ZP3: variants seen among roughly 807,000 people sequenced by gnomAD.
ZP3 encodes the protein zona pellucida sperm-binding protein 3.
ZP3 carries 21 observed loss-of-function variants against 35.6 expected under a neutral mutation model. The ratio of observed to expected loss-of-function variants is 0.59; its 90% CI spans 0.42 to 0.85. The LOEUF (loss-of-function observed/expected upper bound fraction) is 0.85. Among genes scored for constraint, ZP3 ranks in the 40% least tolerant of loss-of-function variants. ZP3 has a pLI of 0.00. For synonymous variants in ZP3, 207 were observed against 214.5 expected (o/e 0.96, Z 0.31); for missense variants, 437 against 536.5 (o/e 0.81, Z 1.83).
Position 76,401,520 on chromosome 7 carries a change from G to A in ZP3, c.-67+3723G>A, listed in dbSNP as rs144327566. On this transcript the variant is annotated intron_variant, in intron 1 of 8. Transcript: ENST00000336517. ...CAGCCTCTTCCTCTGGGGTTCAAGC[G>A]ATTCTTCTGCCTCAGCCTCCCGAGT... Among the ~76,000 whole-genome samples, 1,247 of 152,174 alleles carry A rather than the reference G, an allele frequency of 8.2e-3. 19 individuals carry two copies. The highest frequency in any genetic ancestry group is 0.028 in the African/African-American group (1,168 of 41,520).
exon 1 of ZP3, chr7:76,397,594 GCGGGGCTCGCC>G: frequency 6.2e-7 from 1 of 1,608,114 alleles, no homozygotes; most frequent in Non-Finnish European, 8.5e-7. Flanking sequence ...AGGCTGCCAG[GCGGGGCTCGCC>G]GCCTTCGCAG....
chr7:76,422,796 G>A (rs977420234), upstream of ZP3, among the ~76,000 whole-genome samples: 15 of 150,076 alleles, frequency 1.0e-4, no homozygotes, highest in South Asian at 2.8e-3. Flanking sequence ...TCCAGAGTTC[G>A]AGACCAGCCT....
upstream of ZP3, among the ~76,000 whole-genome samples, chr7:76,422,289 G>T: frequency 6.6e-6 from 1 of 151,912 alleles, no homozygotes; most frequent in East Asian, 1.9e-4. Context: ...CCACCTCCCC[G>T]GCCTCCTAAA....
At chr7:76,406,208 C>A (rs1805025116) in intron 1 of ZP3, among the ~76,000 whole-genome samples, 1 of 152,084 alleles carries the variant, frequency 6.6e-6, no homozygotes, top group East Asian at 1.9e-4. Flanking sequence ...GAACTCCTGA[C>A]CTCAGGTGAT....
chr7:76,426,653 C>A lies in ZP3; in HGVS notation c.312+1377C>A, dbSNP rs112426871. ...GGGGAGCCAGGTGCCTGGCTCCCCC[C>A]CCTTCTGTGAAATGGGCTTTAATAG... On this transcript the variant is annotated intron_variant, in intron 1 of 7. Transcript: ENST00000394857. Among the ~76,000 whole-genome samples, 1,442 of 152,120 alleles carry A rather than the reference C, an allele frequency of 9.5e-3. 5 individuals carry two copies. The highest frequency in any genetic ancestry group is 0.015 in the Non-Finnish European group (995 of 67,980).
chr7:76,404,413 A>G, intron 1 of ZP3: 1 of 1,614,032 alleles, frequency 6.2e-7, no homozygotes, highest in Non-Finnish European at 8.5e-7. Flanking sequence ...GCTGGGGACC[A>G]ATTAGCATCT....
At position 76,433,287 on chromosome 7, in the gene ZP3, T is replaced by G. The variant is rs139356660; in HGVS notation, c.536-183T>G. Among the ~76,000 whole-genome samples, 280 of 152,214 alleles carry G rather than the reference T, an allele frequency of 1.8e-3. 9 individuals carry two copies. The South Asian group carries it at 0.052, about 28-fold the overall frequency. Reference sequence around the variant, plus strand: ...CTCCTGCCTCAGCCTCCCGAGTAACTGGGACTACAGGCTTCTGACACCACA... The same window carrying G: ...CTCCTGCCTCAGCCTCCCGAGTAACGGGGACTACAGGCTTCTGACACCACA... On this transcript the variant is annotated intron_variant, in intron 3 of 7. Transcript: ENST00000394857.
At position 76,424,951 on chromosome 7, in the gene ZP3, G is replaced by A; in HGVS notation, c.-14G>A. 2 of 1,514,304 alleles carry A rather than the reference G, an allele frequency of 1.3e-6. No homozygotes were observed. The highest frequency in any genetic ancestry group is 2.4e-5 in the South Asian group (2 of 82,648). The allele number at this position is 1,514,304 out of a possible 1,614,324, so 93.8% of individuals were successfully genotyped here. ...AGATGGCCAGAGGCGGCTGCCTGCT[G>A]CTCTGCAGGTACCATGGAGCTGAGC... On this transcript the variant is annotated 5_prime_UTR_variant, in exon 1 of 8. Transcript: ENST00000394857.
rs35169816 is a variant in ZP3 at position 76,416,945 on chromosome 7, C to CATATATATAT, written c.-66-8087_-66-8078dup. ...ATATACACATACATATGTATACATACATATATATATATATATATATATATA... is the reference window on the plus strand; with the variant it reads ...ATATACACATACATATGTATACATACATATATATATATATATATATATATATATATATATA... On this transcript the variant is annotated intron_variant, in intron 1 of 8. Coordinates refer to the ZP3 transcript ENST00000336517. 9.0e-4 allele frequency among the ~76,000 whole-genome samples: 66 copies of CATATATATAT among 73,244 alleles called. 1 individual carries two copies. The highest frequency in any genetic ancestry group is 8.8e-3 in the Middle Eastern group (1 of 114). 48.1% of individuals were successfully genotyped at this position (73,244 alleles called of 152,430 possible).
upstream of ZP3, among the ~76,000 whole-genome samples, chr7:76,422,750 C>A (rs1002232817): frequency 1.3e-5 from 2 of 150,562 alleles, no homozygotes; most frequent in African/African-American, 4.9e-5. Flanking sequence ...GTAATCCCAG[C>A]ACTTTGGGAG....
intron 1 of ZP3, among the ~76,000 whole-genome samples, chr7:76,408,869 C>T (rs1025918786): frequency 8.5e-5 from 13 of 152,300 alleles, no homozygotes; most frequent in African/African-American, 3.1e-4. Flanking sequence ...TTCTACAGTA[C>T]AGCCGGCAGC....
rs116274171 is a variant in ZP3, at chr7:76,408,873, C to T, written c.-67+11076C>T. 8.2e-3 allele frequency among the ~76,000 whole-genome samples: 1,242 copies of T among 152,276 alleles called. 19 individuals are homozygous for T. Among genetic ancestry groups the T allele is most frequent in the African/African-American group, 0.028 (1,160 of 41,566 alleles). On this transcript the variant is annotated intron_variant, in intron 1 of 8. Coordinates refer to the ZP3 transcript ENST00000336517. ...TTGCCTACATTTTCTACAGTACAGC[C>T]GGCAGCCTAACACAGCGGTTCATAT... is the stretch of plus-strand genomic sequence containing the variant.
At chr7:76,400,092 T>C (rs552876163) in intron 1 of ZP3, among the ~76,000 whole-genome samples, 82 of 152,320 alleles carry the variant, frequency 5.4e-4, no homozygotes, top group Non-Finnish European at 1.1e-3. Flanking sequence ...TGGTCCAAGG[T>C]CAGGGTCAGG....
At chr7:76,437,557 C>T (rs1806059312) in intron 5 of ZP3, among the ~76,000 whole-genome samples, 1 of 150,542 alleles carries the variant, frequency 6.6e-6, no homozygotes, top group Non-Finnish European at 1.5e-5. Context: ...GTAATCTCAG[C>T]TCACTGCAAC....
At chr7:76,413,584 T>A (rs925753170) in intron 1 of ZP3, among the ~76,000 whole-genome samples, 1 of 138,794 alleles carries the variant, frequency 7.2e-6, no homozygotes, top group African/African-American at 2.8e-5. Flanking sequence ...CCTGTGAATC[T>A]ATAATGATTT....
At chr7:76,422,739 TGTAATCCCA>T (rs1162938831), upstream of ZP3, among the ~76,000 whole-genome samples, 3 of 149,242 alleles carry the variant, frequency 2.0e-5, no homozygotes, top group African/African-American at 7.4e-5. Context: ...GGCTCACACC[TGTAATCCCA>T]GCACTTTGGG....
rs1184890229 is a variant in ZP3 at position 76,400,571 on chromosome 7, G to A, written c.-67+2774G>A. Reference sequence around the variant, plus strand: ...TCCAGGCGGCCCCGGCAGCGGCTGGGGCCCCCCACCAGCCTCAGCTCTGTG... The same window carrying A: ...TCCAGGCGGCCCCGGCAGCGGCTGGAGCCCCCCACCAGCCTCAGCTCTGTG... On this transcript the variant is annotated intron_variant, in intron 1 of 8. Transcript: ENST00000336517. The A allele has an allele frequency of 1.3e-6, 2 of 1,485,460 alleles. No individual in the cohort carries two copies. Among genetic ancestry groups the A allele is most frequent in the African/African-American group, 1.4e-5 (1 of 70,700 alleles). 92.0% of individuals were successfully genotyped at this position (1,485,460 alleles called of 1,614,324 possible).
upstream of ZP3, among the ~76,000 whole-genome samples, chr7:76,423,859 CA>C (rs959173554): frequency 1.3e-3 from 186 of 140,520 alleles, no homozygotes; most frequent in Admixed American, 1.9e-3. Flanking sequence ...GAGATTGTCT[CA>C]AAAAAAAAAA....
upstream of ZP3, among the ~76,000 whole-genome samples, chr7:76,420,268 C>T (rs1376102307): frequency 1.3e-5 from 2 of 152,218 alleles, no homozygotes; most frequent in East Asian, 1.9e-4. Context: ...CCTCCTGCTT[C>T]GGCCTCCCAA....
Sources: allele counts gnomAD v4.1 joint callset (sites outside exome capture counted in the v4.1 genomes callset), GRCh38; gene constraint gnomAD v4.1.1; transcripts MANE v1.5; gene names NCBI Gene and HGNC (gene_info 2026-07-23, HGNC 2026-07-21).